The following KRIT1 variants were observed in gnomAD, a reference collection of about 807,000 sequenced individuals.
KRIT1 encodes the protein krev interaction trapped protein 1.
Under a neutral mutation model 95.8 loss-of-function variants are expected in KRIT1, and 45 were observed. The ratio of observed to expected loss-of-function variants is 0.47; its 90% CI spans 0.37 to 0.60. The LOEUF is 0.60. Ranked by LOEUF, KRIT1 falls within the 20% of genes least tolerant of loss-of-function variation. KRIT1 has a pLI of 0.00. For missense variants in KRIT1, 788 were observed against 877.5 expected (o/e 0.90, Z 1.29); for synonymous variants, 282 against 278.8 (o/e 1.01, Z -0.11).
rs960417752 is a variant in KRIT1, at chr7:92,220,688, CTTTTTTT to C, written c.1563+1207_1563+1213del. ...ATCTCTCCCTTGTCCATTCATCCTTCTTTTTTTTTTTTTTTTTTTTTTTTGAGATGGA... is the reference window on the plus strand; with the variant it reads ...ATCTCTCCCTTGTCCATTCATCCTTCTTTTTTTTTTTTTTTTTGAGATGGA... On this transcript the variant is annotated intron_variant, in intron 14 of 18. Coordinates refer to ENST00000394505, the MANE Select transcript of KRIT1 (RefSeq NM_194454.3). Among the ~76,000 whole-genome samples, 10 of 98,994 alleles carry C rather than the reference CTTTTTTT, an allele frequency of 1.0e-4. No individual in the cohort carries two copies. The South Asian group carries it at 1.8e-3, about 18-fold the overall frequency. 64.9% of individuals were successfully genotyped at this position (98,994 alleles called of 152,430 possible). A position where few individuals can be genotyped will look rare whatever the true frequency, so the allele number is the denominator to read the frequency against.
intron 4 of KRIT1, among the ~76,000 whole-genome samples, 168 bp downstream of exon 4, chr7:92,241,864 CAG>C (rs1799724902): frequency 6.6e-6 from 1 of 151,958 alleles, no homozygotes; most frequent in African/African-American, 2.4e-5. Flanking sequence ...TGTCAATAAA[CAG>C]CAAATGGTCA....
intron 17 of KRIT1, among the ~76,000 whole-genome samples, chr7:92,212,821 A>G (rs1793154583): frequency 6.6e-6 from 1 of 152,210 alleles, no homozygotes; most frequent in Non-Finnish European, 1.5e-5. Context: ...GCTTCAAGAA[A>G]TATTTTATGC....
chr7:92,211,371 A>T (rs1370567912), intron 17 of KRIT1, among the ~76,000 whole-genome samples: 1 of 152,234 alleles, frequency 6.6e-6, no homozygotes, highest in Non-Finnish European at 1.5e-5. Flanking sequence ...CATTCGCAAC[A>T]ACATGAATGG....
intron 12 of KRIT1, among the ~76,000 whole-genome samples, chr7:92,224,638 G>T (rs537136166): frequency 4.6e-5 from 7 of 151,832 alleles, no homozygotes; most frequent in Admixed American, 3.3e-4. Context: ...CAGCATTTTC[G>T]ATTTATGAGT....
chr7:92,239,490 A>G (rs1799130409), intron 5 of KRIT1, among the ~76,000 whole-genome samples: 1 of 152,206 alleles, frequency 6.6e-6, no homozygotes, highest in African/African-American at 2.4e-5. Context: ...AATTTATCAG[A>G]GAAGTCCAAG....
intron 10 of KRIT1, among the ~76,000 whole-genome samples, chr7:92,227,251 T>A (rs1345278939): frequency 2.0e-5 from 3 of 152,168 alleles, no homozygotes; most frequent in African/African-American, 7.2e-5. Flanking sequence ...TTAAGTATGG[T>A]AATGTTTGTC....
At chr7:92,210,628 G>A (rs1792594338) in intron 17 of KRIT1, among the ~76,000 whole-genome samples, 1 of 152,298 alleles carries the variant, frequency 6.6e-6, no homozygotes, top group African/African-American at 2.4e-5. Flanking sequence ...TCTAGGCAAA[G>A]ATTTTATGGT....
At position 92,238,532 on chromosome 7, in the gene KRIT1, T is replaced by C. The variant is rs188388465; in HGVS notation, c.263-773A>G. Among the ~76,000 whole-genome samples the C allele has an allele frequency of 2.1e-3, 325 of 152,280 alleles. 4 individuals carry two copies. Among genetic ancestry groups the C allele is most frequent in the African/African-American group, 7.2e-3 (300 of 41,556 alleles). ...TATTAAGACCTTCTATATTATAGCC[T>C]CCAATTATTTTACAAAATGAACACT... is the stretch of plus-strand genomic sequence containing the variant. On this transcript the variant is annotated intron_variant, in intron 5 of 18. Transcript: ENST00000394505.
chr7:92,201,663 C>T, intron 17 of KRIT1: 1 of 423,430 alleles, frequency 2.4e-6, no homozygotes. Flanking sequence ...TTAGATATTT[C>T]TCCTAATGCT....
intron 17 of KRIT1, among the ~76,000 whole-genome samples, chr7:92,201,724 C>T (rs1337504193): frequency 6.6e-6 from 1 of 152,056 alleles, no homozygotes; most frequent in Non-Finnish European, 1.5e-5. Flanking sequence ...TGTGATGTTC[C>T]CCTCCCTGCG....
At chr7:92,245,407 G>T (rs553115580) in intron 1 of KRIT1, 2 of 151,936 alleles carry the variant, frequency 1.3e-5, no homozygotes, top group South Asian at 4.2e-4. Flanking sequence ...GTAACTACAT[G>T]TGAAAAATAA....
intron 14 of KRIT1, among the ~76,000 whole-genome samples, chr7:92,217,285 T>C (rs6970629): frequency 0.57 from 86,165 of 152,010 alleles, 25,695 homozygotes; most frequent in African/African-American, 0.77. Flanking sequence ...ACAGATATAA[T>C]ATTTGTCATT....
At chr7:92,203,610 C>CTTTG (rs1305547761) in intron 17 of KRIT1, among the ~76,000 whole-genome samples, 1 of 152,110 alleles carries the variant, frequency 6.6e-6, no homozygotes, top group African/African-American at 2.4e-5. Flanking sequence ...AAGTATTATA[C>CTTTG]ATAATATGAA....
intron 17 of KRIT1, among the ~76,000 whole-genome samples, chr7:92,207,350 G>A (rs1791766660): frequency 6.6e-6 from 1 of 151,206 alleles, no homozygotes; most frequent in African/African-American, 2.4e-5. Flanking sequence ...CTGGGATGAT[G>A]TGTTTAAAAT....
At chr7:92,218,883 TTTG>T (rs1794546760) in intron 14 of KRIT1, among the ~76,000 whole-genome samples, 2 of 152,238 alleles carry the variant, frequency 1.3e-5, no homozygotes, top group South Asian at 4.1e-4. Context: ...TGTTCATGCT[TTTG>T]TTGTCATATC....
At chr7:92,218,103 A>C (rs925268674) in intron 14 of KRIT1, among the ~76,000 whole-genome samples, 3 of 152,118 alleles carry the variant, frequency 2.0e-5, no homozygotes, top group Admixed American at 1.3e-4. Context: ...TCCAGCCTAG[A>C]GTACAGTGGA....
At chr7:92,226,765 A>G in intron 10 of KRIT1, 83 bp from the exon 11 acceptor site, 2 of 1,270,498 alleles carry the variant, frequency 1.6e-6, no homozygotes, top group Non-Finnish European at 2.2e-6. Flanking sequence ...TTAAAAATCC[A>G]AATTTTAGAT....
chr7:92,226,481 T>C (rs992014443), intron 11 of KRIT1, 45 bp downstream of exon 11: 1 of 1,429,242 alleles, frequency 7.0e-7, no homozygotes, highest in Admixed American at 1.7e-5. Context: ...TTACTTGTTA[T>C]TCACTGCTTG....
intron 10 of KRIT1, among the ~76,000 whole-genome samples, chr7:92,231,735 T>G (rs1797335185): frequency 6.6e-6 from 1 of 152,166 alleles, no homozygotes; most frequent in Admixed American, 6.5e-5. Context: ...GGCATCCAAC[T>G]AATAGTATTG....
Sources: gnomAD v4.1 joint callset for allele counts (sites outside exome capture counted in the v4.1 genomes callset) on GRCh38, gnomAD v4.1.1 for gene constraint, MANE v1.5 for transcripts, NCBI Gene and HGNC (gene_info 2026-07-23, HGNC 2026-07-21) for gene names.